The following GPC6 variants were observed in gnomAD, a reference collection of about 807,000 sequenced individuals.
The protein encoded by GPC6 is glypican 6, also known as glypican-6.
Under a neutral mutation model 55.2 loss-of-function variants are expected in GPC6, and 14 were observed. The ratio of observed to expected loss-of-function variants is 0.25; its 90% confidence interval spans 0.17 to 0.40. The LOEUF is 0.40. Ranked by LOEUF, GPC6 falls within the 10% of genes least tolerant of loss-of-function variation. The pLI is 1.00. For missense variants in GPC6, 641 were observed against 708.5 expected (o/e 0.90, Z 1.08); for synonymous variants, 278 against 259.6 (o/e 1.07, Z -0.68).
intron 2 of GPC6, among the ~76,000 whole-genome samples, chr13:93,698,719 C>T (rs1882562135): frequency 6.6e-6 from 1 of 151,966 alleles, no homozygotes; most frequent in Non-Finnish European, 1.5e-5. Context: ...TATTTACTTA[C>T]TCACTTACCG....
At chr13:93,990,977 G>C (rs1467810439) in intron 3 of GPC6, among the ~76,000 whole-genome samples, 1 of 151,360 alleles carries the variant, frequency 6.6e-6, no homozygotes, top group Non-Finnish European at 1.5e-5. Flanking sequence ...AGGAAGGAAG[G>C]AAGGAAGGAA....
intron 3 of GPC6, among the ~76,000 whole-genome samples, chr13:93,904,987 T>C (rs1190451454): frequency 7.0e-6 from 1 of 143,704 alleles, no homozygotes; most frequent in Non-Finnish European, 1.5e-5. Context: ...CCATGTGTTC[T>C]CATTGTTCAA....
intron 1 of GPC6, among the ~76,000 whole-genome samples, chr13:93,313,964 C>T (rs1463265960): frequency 6.6e-6 from 1 of 152,068 alleles, no homozygotes; most frequent in Non-Finnish European, 1.5e-5. Context: ...CTAATGAATG[C>T]CTAGGATGAC....
chr13:93,757,821 T>C (rs1464833741), intron 2 of GPC6, among the ~76,000 whole-genome samples: 1 of 152,112 alleles, frequency 6.6e-6, no homozygotes. Flanking sequence ...ATGCTTCACA[T>C]AGGGCTGGAT....
At chr13:93,736,129 GAC>G (rs939721227) in intron 2 of GPC6, among the ~76,000 whole-genome samples, 2 of 152,156 alleles carry the variant, frequency 1.3e-5, no homozygotes, top group Admixed American at 1.3e-4. Context: ...TGCTAAAAAA[GAC>G]ACATACCATA....
At chr13:94,269,211 G>A (rs949815500) in intron 4 of GPC6, among the ~76,000 whole-genome samples, 18 of 152,092 alleles carry the variant, frequency 1.2e-4, no homozygotes, top group African/African-American at 4.3e-4. Context: ...ACTATGTGAT[G>A]AGCCTATATA....
chr13:93,618,815 A>G (rs2139553384), intron 2 of GPC6, among the ~76,000 whole-genome samples: 1 of 152,286 alleles, frequency 6.6e-6, no homozygotes, highest in South Asian at 2.1e-4. Context: ...ACAAACCATT[A>G]ATTATAGACA....
At chr13:94,088,371 T>C (rs1885361220) in intron 4 of GPC6, among the ~76,000 whole-genome samples, 1 of 152,032 alleles carries the variant, frequency 6.6e-6, no homozygotes, top group Non-Finnish European at 1.5e-5. Flanking sequence ...GTTTTAAGGA[T>C]GTTCATAGAA....
intron 3 of GPC6, among the ~76,000 whole-genome samples, chr13:93,894,642 C>G (rs1026058457): frequency 6.6e-6 from 1 of 152,088 alleles, no homozygotes; most frequent in African/African-American, 2.4e-5. Context: ...GCCATTGACT[C>G]TTATTCAGAG....
chr13:93,407,363 GTTAGAAAA>G, intron 1 of GPC6, among the ~76,000 whole-genome samples: 1 of 151,862 alleles, frequency 6.6e-6, no homozygotes, highest in Non-Finnish European at 1.5e-5. Context: ...TTTCTTGAAG[GTTAGAAAA>G]TTTTTAGATT....
At chr13:94,153,736 C>A (rs759941736) in intron 4 of GPC6, among the ~76,000 whole-genome samples, 2 of 152,172 alleles carry the variant, frequency 1.3e-5, no homozygotes, top group Non-Finnish European at 2.9e-5. Flanking sequence ...CACAAACTAG[C>A]AGCATCCGCA....
chr13:94,300,342 G>A (rs1261879514), intron 5 of GPC6, among the ~76,000 whole-genome samples: 2 of 152,164 alleles, frequency 1.3e-5, no homozygotes, highest in African/African-American at 4.8e-5. Context: ...TTTATTTTAA[G>A]AGAAATACGT....
intron 4 of GPC6, among the ~76,000 whole-genome samples, chr13:94,278,303 C>T (rs1360643317): frequency 6.6e-6 from 1 of 152,168 alleles, no homozygotes; most frequent in Non-Finnish European, 1.5e-5. Context: ...TGAGACTTTG[C>T]TCAAGTTGCT....
chr13:93,897,388 T>C (rs1350506985), intron 3 of GPC6, among the ~76,000 whole-genome samples: 1 of 151,904 alleles, frequency 6.6e-6, no homozygotes, highest in Non-Finnish European at 1.5e-5. Context: ...TGTTGGAGAG[T>C]CCAGTTACCC....
chr13:93,516,258 C>G (rs946887338), intron 1 of GPC6, among the ~76,000 whole-genome samples: 3 of 152,100 alleles, frequency 2.0e-5, no homozygotes, highest in Non-Finnish European at 4.4e-5. Context: ...GTGCAGTTTT[C>G]TATGTTGCAC....
In GPC6 at chr13:93,865,851, A is replaced by G. The variant is rs562270722; in HGVS notation, c.711+35306A>G. 1.3e-3 allele frequency among the ~76,000 whole-genome samples: 191 copies of G among 151,804 alleles called. 5 individuals are homozygous for G. The South Asian group carries it at 0.037, about 29-fold the overall frequency. On this transcript the variant is annotated intron_variant, in intron 3 of 8. Transcript: ENST00000377047. ...ATTGTCCTGTCCTCTGCTTACTGTT[A>G]CCATAATACCTTCAACTCCTGGTGA...
At chr13:93,421,885 T>C (rs902602951) in intron 1 of GPC6, among the ~76,000 whole-genome samples, 1 of 152,222 alleles carries the variant, frequency 6.6e-6, no homozygotes, top group Non-Finnish European at 1.5e-5. Flanking sequence ...ATTTGCTTCA[T>C]ATGCACAGTG....
At chr13:93,273,822 T>A (rs1051609795) in intron 1 of GPC6, among the ~76,000 whole-genome samples, 15 of 152,234 alleles carry the variant, frequency 9.9e-5, no homozygotes, top group Middle Eastern at 3.4e-3. Flanking sequence ...TTATTTTTAT[T>A]TTTTGAGACA....
chr13:93,490,592 A>C (rs1379081487), intron 1 of GPC6, among the ~76,000 whole-genome samples: 2 of 132,908 alleles, frequency 1.5e-5, no homozygotes, highest in African/African-American at 2.8e-5. Flanking sequence ...ATATGTATAC[A>C]TGTGCCATGC....
Sources: allele counts gnomAD v4.1 joint callset (sites outside exome capture counted in the v4.1 genomes callset), GRCh38; gene constraint gnomAD v4.1.1; transcripts MANE v1.5; gene names NCBI Gene and HGNC (gene_info 2026-07-23, HGNC 2026-07-21).